The following KLRG1 variants were observed in gnomAD, a reference collection of about 807,000 sequenced individuals.
KLRG1 encodes the protein killer cell lectin-like receptor subfamily G member 1.
In KLRG1, 16 loss-of-function variants were observed where a neutral mutation model predicts 21.8. That is an observed-to-expected ratio of 0.73 (90% CI 0.50 to 1.11). KLRG1 has a LOEUF of 1.11. Among genes scored for constraint, KLRG1 ranks in the 50% most tolerant of loss-of-function variants. The probability of loss-of-function intolerance (pLI) is 0.00; values close to 1 mark genes in which losing one functional copy is unlikely to be tolerated. For missense variants in KLRG1, 173 were observed against 218.3 expected, an observed-to-expected ratio of 0.79 and a Z score of 1.31; for synonymous variants, 69 against 75.9, an observed-to-expected ratio of 0.91 and a Z score of 0.47.
the KLRG1 span, chr12:9,192,598 A>G: frequency 2.6e-5 from 42 of 1,614,096 alleles, no homozygotes; most frequent in Admixed American, 7.0e-4. Flanking sequence ...GTGTGGCCAC[A>G]GGGCAGGGTA....
chr12:9,180,967 G>A, the KLRG1 span: 6 of 1,608,510 alleles, frequency 3.7e-6, no homozygotes, highest in East Asian at 2.2e-5. Context: ...GGTCCCCAAG[G>A]CCACTGGAAA....
the KLRG1 span, among the ~76,000 whole-genome samples, chr12:9,178,423 T>C: frequency 1.3e-5 from 2 of 152,164 alleles, no homozygotes; most frequent in African/African-American, 4.8e-5. Context: ...TACTTCATCA[T>C]GGCCCCAATG....
chr12:9,070,174 A>G, the KLRG1 span, among the ~76,000 whole-genome samples: 1 of 152,276 alleles, frequency 6.6e-6, no homozygotes, highest in African/African-American at 2.4e-5. Context: ...AGTTTATGCC[A>G]ATCAGTCATT....
At chr12:9,074,268 A>G in the KLRG1 span, among the ~76,000 whole-genome samples, 1 of 152,152 alleles carries the variant, frequency 6.6e-6, no homozygotes, top group Non-Finnish European at 1.5e-5. Context: ...GGCAGGAGAC[A>G]TCTCCTTCAT....
chr12:9,077,921 G>A, the KLRG1 span: 1 of 1,592,566 alleles, frequency 6.3e-7, no homozygotes. Context: ...CCACTTCACA[G>A]CAACAGGCTT....
the KLRG1 span, chr12:9,089,787 G>T: frequency 1.3e-6 from 1 of 767,814 alleles, no homozygotes. Context: ...TAAATCAAGA[G>T]AGAGATAGGA....
chr12:9,077,502 G>T, the KLRG1 span: 4,333 of 1,485,862 alleles, frequency 2.9e-3, 169 homozygotes, highest in South Asian at 0.049. Flanking sequence ...CTGTGTCATG[G>T]AATTCATCCT....
At chr12:9,190,223 C>CAGTA in the KLRG1 span, among the ~76,000 whole-genome samples, 1 of 151,906 alleles carries the variant, frequency 6.6e-6, no homozygotes, top group Non-Finnish European at 1.5e-5. Flanking sequence ...TTGCAATGAA[C>CAGTA]AGTAGCAAAG....
rs1421471844 is a variant in KLRG1, at chr12:8,970,404, CACTA to C, written c.-156+20173_-156+20176del. On this transcript the variant is annotated intron_variant, in intron 1 of 4. Transcript: ENST00000539240. Reference sequence around the variant, plus strand: ...TGAAAAGAACAAATAAATTGACAGACACTAACTACCAAAGTCACTCAAGGAAACA... The same window carrying C: ...TGAAAAGAACAAATAAATTGACAGACACTACCAAAGTCACTCAAGGAAACA... 10 of 152,328 alleles carry C rather than the reference CACTA, an allele frequency of 6.6e-5. No individual in the cohort carries two copies. In the East Asian group the frequency reaches 1.9e-3, roughly 29 times the overall value. The allele number at this position is 152,328 out of a possible 1,614,324, so 9.4% of individuals were successfully genotyped here. A position where few individuals can be genotyped will look rare whatever the true frequency, so the allele number is the denominator to read the frequency against.
At chr12:9,019,784 CTG>C in the KLRG1 span, among the ~76,000 whole-genome samples, 1 of 152,166 alleles carries the variant, frequency 6.6e-6, no homozygotes, top group Non-Finnish European at 1.5e-5. Flanking sequence ...GGGGGTCTCA[CTG>C]TGTTGCCCAG....
At chr12:9,144,419 ACT>A in the KLRG1 span, among the ~76,000 whole-genome samples, 2 of 151,876 alleles carry the variant, frequency 1.3e-5, no homozygotes, top group South Asian at 2.1e-4. Context: ...TTGGCCAGAG[ACT>A]CTCAGGATCC....
chr12:9,118,131 T>C, the KLRG1 span, among the ~76,000 whole-genome samples: 1 of 152,170 alleles, frequency 6.6e-6, no homozygotes, highest in Admixed American at 6.5e-5. Context: ...TAAGTGAGAA[T>C]AGTGATTTGG....
chr12:9,186,518 T>C, the KLRG1 span, among the ~76,000 whole-genome samples: 4 of 152,084 alleles, frequency 2.6e-5, no homozygotes, highest in Admixed American at 1.3e-4. Flanking sequence ...CCATCTCACA[T>C]GCAATGACAC....
chr12:9,164,762 A>C, the KLRG1 span, among the ~76,000 whole-genome samples: 1 of 152,244 alleles, frequency 6.6e-6, no homozygotes, highest in African/African-American at 2.4e-5. Context: ...GCTATAAGAT[A>C]AATTAAAATT....
the KLRG1 span, chr12:9,112,180 G>T: frequency 6.2e-7 from 1 of 1,613,694 alleles, no homozygotes; most frequent in African/African-American, 1.3e-5. Flanking sequence ...GGGGGTGAAA[G>T]TTTTCATCCA....
At chr12:9,072,857 A>AGC in the KLRG1 span, 1 of 1,613,892 alleles carries the variant, frequency 6.2e-7, no homozygotes, top group African/African-American at 1.3e-5. Context: ...GAGCATGGAG[A>AGC]GCCACCACTG....
the KLRG1 span, among the ~76,000 whole-genome samples, chr12:9,086,732 C>T: frequency 2.6e-5 from 4 of 152,148 alleles, no homozygotes; most frequent in Non-Finnish European, 5.9e-5. Context: ...TGGAACAAGA[C>T]AAGGATACCC....
chr12:8,970,552 C>G (rs969462412), intron 1 of KLRG1: 3 of 152,168 alleles, frequency 2.0e-5, no homozygotes, highest in Non-Finnish European at 4.4e-5. Flanking sequence ...TCCTTTTCAT[C>G]TTTTATTTAT....
Position 8,981,430 on chromosome 12 carries a change from C to A in KLRG1, c.-155-10776C>A, listed in dbSNP as rs1004312153. Among the ~76,000 whole-genome samples the A allele has an allele frequency of 3.6e-4, 54 of 151,464 alleles. 1 individual carries two copies. The highest frequency in any genetic ancestry group is 1.3e-3 in the African/African-American group (53 of 41,284). On this transcript the variant is annotated intron_variant, in intron 1 of 4. Coordinates refer to the KLRG1 transcript ENST00000539240. ...GCTGTAAGACTGTTTTAGCTGTGTT[C>A]TATATATTTTTGTATTCTATTTTCA...
Sources: allele counts gnomAD v4.1 joint callset (sites outside exome capture counted in the v4.1 genomes callset), GRCh38; gene constraint gnomAD v4.1.1; transcripts MANE v1.5; gene names NCBI Gene and HGNC (gene_info 2026-07-23, HGNC 2026-07-21).